The following GLIS3 variants were observed in gnomAD, a reference collection of about 807,000 sequenced individuals.
GLIS3 encodes the protein zinc finger protein GLIS3.
GLIS3 carries 53 observed loss-of-function variants against 78.6 expected under a neutral mutation model. The observed-to-expected ratio is 0.67, with a 90% confidence interval of 0.54 to 0.85. The LOEUF (loss-of-function observed/expected upper bound fraction) is 0.85. GLIS3 is among the 40% of genes least tolerant of loss of function. GLIS3 has a pLI of 0.00. For synonymous variants in GLIS3, 684 were observed against 509.9 expected, an observed-to-expected ratio of 1.34 and a Z score of -4.60; for missense variants, 1,703 against 1,231.1, an observed-to-expected ratio of 1.38 and a Z score of -5.74.
At chr9:4,419,084 G>T in the GLIS3 span, among the ~76,000 whole-genome samples, 2 of 152,168 alleles carry the variant, frequency 1.3e-5, no homozygotes, top group South Asian at 4.1e-4. Flanking sequence ...CCATTGCTGA[G>T]AGCTGGAATT....
the GLIS3 span, among the ~76,000 whole-genome samples, chr9:4,370,420 C>G: frequency 6.6e-6 from 1 of 152,056 alleles, no homozygotes; most frequent in African/African-American, 2.4e-5. Flanking sequence ...TTCTTGGGTT[C>G]TCGTTAGATT....
At chr9:4,104,608 G>C (rs747849558) in intron 4 of GLIS3, among the ~76,000 whole-genome samples, 82 of 152,208 alleles carry the variant, frequency 5.4e-4, no homozygotes, top group Non-Finnish European at 8.4e-4. Flanking sequence ...TGGCCTCCAA[G>C]GTCCTAAACA....
chr9:4,220,861 T>C (rs939066372), intron 2 of GLIS3, among the ~76,000 whole-genome samples: 8 of 152,192 alleles, frequency 5.3e-5, no homozygotes, highest in African/African-American at 1.9e-4. Context: ...GGTATGGACC[T>C]GTAATCCCAG....
At chr9:4,122,047 T>C (rs1157752663) in intron 3 of GLIS3, among the ~76,000 whole-genome samples, 8 of 152,192 alleles carry the variant, frequency 5.3e-5, no homozygotes. Context: ...TGGAACTATA[T>C]GTAAAAGGAA....
At chr9:4,248,597 A>G (rs1824038193) in intron 2 of GLIS3, among the ~76,000 whole-genome samples, 1 of 152,200 alleles carries the variant, frequency 6.6e-6, no homozygotes, top group African/African-American at 2.4e-5. Flanking sequence ...TCCTTTGGGT[A>G]TATACTCAGT....
At chr9:3,997,015 C>G (rs141703983) in intron 4 of GLIS3, among the ~76,000 whole-genome samples, 1 of 152,026 alleles carries the variant, frequency 6.6e-6, no homozygotes, top group African/African-American at 2.4e-5. Context: ...CTATTGAATC[C>G]GAAATTTAAA....
chr9:4,462,578 G>A, the GLIS3 span, among the ~76,000 whole-genome samples: 3 of 150,618 alleles, frequency 2.0e-5, no homozygotes, highest in Non-Finnish European at 2.9e-5. Context: ...GCAACATAGC[G>A]AGATTCCATC....
chr9:3,914,665 C>G (rs1019693165), intron 6 of GLIS3, among the ~76,000 whole-genome samples: 3 of 152,182 alleles, frequency 2.0e-5, no homozygotes, highest in South Asian at 2.1e-4. Context: ...CACCTTGCTT[C>G]TAAAGAGTCA....
At chr9:4,237,042 G>A (rs933926456) in intron 2 of GLIS3, among the ~76,000 whole-genome samples, 10 of 151,968 alleles carry the variant, frequency 6.6e-5, no homozygotes, top group Non-Finnish European at 1.3e-4. Context: ...ACTCTGCCAT[G>A]TGGAAATCAC....
At chr9:4,277,578 T>C (rs552173674) in intron 2 of GLIS3, among the ~76,000 whole-genome samples, 15 of 152,204 alleles carry the variant, frequency 9.9e-5, no homozygotes, top group Admixed American at 3.9e-4. Context: ...CTTTTTTGTC[T>C]GACCAACAAT....
At chr9:4,007,542 T>C (rs1258644412) in intron 4 of GLIS3, among the ~76,000 whole-genome samples, 2 of 152,104 alleles carry the variant, frequency 1.3e-5, no homozygotes, top group Non-Finnish European at 2.9e-5. Context: ...ATCTCAGGGA[T>C]AGCTGGAATT....
At chr9:3,969,720 A>G (rs571823010) in intron 4 of GLIS3, among the ~76,000 whole-genome samples, 1 of 152,302 alleles carries the variant, frequency 6.6e-6, no homozygotes, top group South Asian at 2.1e-4. Flanking sequence ...CTACCAAAAT[A>G]ACTTGGGTCC....
At chr9:3,962,174 G>A (rs115324988) in intron 4 of GLIS3, among the ~76,000 whole-genome samples, 2,591 of 152,190 alleles carry the variant, frequency 0.017, 33 homozygotes, top group Middle Eastern at 0.031. Context: ...GAGCCATGCT[G>A]GTGTCACTGC....
chr9:3,865,705 A>G (rs1443227988), intron 8 of GLIS3, among the ~76,000 whole-genome samples: 2 of 152,210 alleles, frequency 1.3e-5, no homozygotes, highest in African/African-American at 2.4e-5. Context: ...GACTAAGAAG[A>G]CATCATCTTG....
intron 2 of GLIS3, among the ~76,000 whole-genome samples, chr9:4,175,578 T>G (rs1816742822): frequency 6.6e-6 from 1 of 152,184 alleles, no homozygotes; most frequent in African/African-American, 2.4e-5. Context: ...AATCAGAAAC[T>G]GCCATTCGTT....
intron 2 of GLIS3, among the ~76,000 whole-genome samples, chr9:4,184,391 T>A (rs1227439120): frequency 6.6e-6 from 1 of 152,172 alleles, no homozygotes; most frequent in Non-Finnish European, 1.5e-5. Flanking sequence ...AATATAACAA[T>A]ATAATCTTAC....
intron 4 of GLIS3, among the ~76,000 whole-genome samples, chr9:4,100,606 T>TA (rs1355353644): frequency 1.3e-5 from 2 of 152,170 alleles, no homozygotes; most frequent in African/African-American, 4.8e-5. Context: ...TTCTGAGGGC[T>TA]TTTTTTAACC....
chr9:4,185,887 C>T (rs1474857854), intron 2 of GLIS3, among the ~76,000 whole-genome samples: 2 of 152,172 alleles, frequency 1.3e-5, no homozygotes, highest in Admixed American at 1.3e-4. Flanking sequence ...ATGTTCCACA[C>T]AAACCAGCCT....
intron 4 of GLIS3, among the ~76,000 whole-genome samples, chr9:4,077,858 T>C (rs979183091): frequency 7.2e-5 from 11 of 152,230 alleles, no homozygotes; most frequent in Non-Finnish European, 1.5e-5. Context: ...CTCAGAAATC[T>C]GGTTCCCAGC....
Sources: allele counts gnomAD v4.1 joint callset (sites outside exome capture counted in the v4.1 genomes callset), GRCh38; gene constraint gnomAD v4.1.1; transcripts MANE v1.5; gene names NCBI Gene and HGNC (gene_info 2026-07-23, HGNC 2026-07-21).